Variants in TET1 observed in about 807,000 individuals in gnomAD.
TET1 encodes the protein methylcytosine dioxygenase TET1.
Under a neutral mutation model 148.7 loss-of-function variants are expected in TET1, and 13 were observed. The ratio of observed to expected loss-of-function variants is 0.09; its 90% confidence interval spans 0.06 to 0.14. The LOEUF is 0.14. Among genes scored for constraint, TET1 ranks in the 10% least tolerant of loss-of-function variants. TET1 has a pLI of 1.00. For synonymous variants in TET1, 907 were observed against 937.2 expected (o/e 0.97, Z 0.59); for missense variants, 2,182 against 2,553.8 (o/e 0.85, Z 3.14).
At chr10:68,580,518 G>A (rs760007592) in intron 2 of TET1, among the ~76,000 whole-genome samples, 22 of 149,914 alleles carry the variant, frequency 1.5e-4, no homozygotes, top group Non-Finnish European at 3.0e-4. Context: ...GGTGGCTCAT[G>A]CCTGTAATCC....
At chr10:68,605,713 C>T (rs1424009044) in intron 3 of TET1, among the ~76,000 whole-genome samples, 1 of 152,150 alleles carries the variant, frequency 6.6e-6, no homozygotes, top group Non-Finnish European at 1.5e-5. Context: ...CGAGGTTTTG[C>T]CATGCTGGCC....
At chr10:68,605,057 A>G (rs1253539101) in intron 3 of TET1, among the ~76,000 whole-genome samples, 1 of 152,268 alleles carries the variant, frequency 6.6e-6, no homozygotes, top group Non-Finnish European at 1.5e-5. Flanking sequence ...AGTGGATATT[A>G]AACTAGGAGA....
chr10:68,645,563 A>G lies in TET1; in HGVS notation c.2834A>G (p.Asn945Ser). Reference protein sequence around the residue: ...YTVRKDLQDPNLQGEPPKLNH... With the variant: ...YTVRKDLQDPSLQGEPPKLNH... ...GTAAGAAAAGACCTCCAAGACCCAA[A>G]CTTACAGGGAGAGCCACCAAAACTT... Residue 945 changes from asparagine (N) to serine (S), a missense_variant, in exon 4 of 12, where the codon AAC becomes AGC. Transcript: ENST00000373644. The G allele has an allele frequency of 1.2e-6, 2 of 1,614,136 alleles. No individual in the cohort carries two copies. The highest frequency in any genetic ancestry group is 1.7e-6 in the Non-Finnish European group (2 of 1,180,022).
chr10:68,593,592 C>A (rs1423640974), intron 2 of TET1, among the ~76,000 whole-genome samples: 1 of 151,922 alleles, frequency 6.6e-6, no homozygotes, highest in Non-Finnish European at 1.5e-5. Context: ...CATGCGCCAC[C>A]ATACCTGGCT....
At chr10:68,675,869 T>C (rs1490723769) in intron 8 of TET1, among the ~76,000 whole-genome samples, 1 of 152,140 alleles carries the variant, frequency 6.6e-6, no homozygotes, top group Non-Finnish European at 1.5e-5. Context: ...GTTGTTGTTG[T>C]CTTGAGATGG....
At chr10:68,635,828 C>T (rs1283077800) in intron 3 of TET1, among the ~76,000 whole-genome samples, 1 of 152,066 alleles carries the variant, frequency 6.6e-6, no homozygotes, top group South Asian at 2.1e-4. Context: ...TCAGTCTCTA[C>T]CAAAAACAAA....
At chr10:68,683,522 C>T (rs959693481) in intron 10 of TET1, among the ~76,000 whole-genome samples, 18 of 152,132 alleles carry the variant, frequency 1.2e-4, no homozygotes, top group African/African-American at 4.3e-4. Context: ...TCGTGATCCA[C>T]CCACCTTGGC....
At chr10:68,585,636 C>G (rs1420838707) in intron 2 of TET1, among the ~76,000 whole-genome samples, 1 of 152,054 alleles carries the variant, frequency 6.6e-6, no homozygotes, top group Non-Finnish European at 1.5e-5. Flanking sequence ...TTACCCATAG[C>G]TTGTATTGGA....
intron 2 of TET1, among the ~76,000 whole-genome samples, chr10:68,590,413 T>C (rs921309017): frequency 6.6e-6 from 1 of 151,986 alleles, no homozygotes; most frequent in Non-Finnish European, 1.5e-5. Flanking sequence ...ATTACAGGCA[T>C]GAGCCACCAC....
In TET1 at chr10:68,574,139, A is replaced by G. The variant is rs2053702585; in HGVS notation, c.1801A>G (p.Thr601Ala). ...CGVCEPCQQKTNCGECTYCKN... is the reference protein window; with the variant it reads ...CGVCEPCQQKANCGECTYCKN... ...GGTCTGTGAACCCTGCCAGCAGAAGACCAACTGTGGTGAATGCACTTACTG... is the reference window on the plus strand; with the variant it reads ...GGTCTGTGAACCCTGCCAGCAGAAGGCCAACTGTGGTGAATGCACTTACTG... The change falls in exon 2 of 12, where the codon ACC (threonine) becomes GCC (alanine). Residue 601 changes from threonine (T) to alanine (A), a missense_variant. Physicochemically the swap from Thr to Ala is moderately conservative, Grantham distance 58 (BLOSUM62 0). This residue lies in a region of TET1 where 226 missense variants were observed against 307.4 expected (regional missense o/e 0.74). Transcript: ENST00000373644. The G allele has an allele frequency of 6.2e-7, 1 of 1,613,892 alleles. No homozygotes were observed. The highest frequency in any genetic ancestry group is 8.5e-7 in the Non-Finnish European group (1 of 1,180,048).
At chr10:68,672,349 G>A (rs936501635) in intron 7 of TET1, among the ~76,000 whole-genome samples, 3 of 151,416 alleles carry the variant, frequency 2.0e-5, no homozygotes, top group East Asian at 1.9e-4. Flanking sequence ...TTAGCTGGGC[G>A]TGGTGGCGCA....
At chr10:68,636,671 G>A (rs2054654895) in intron 3 of TET1, among the ~76,000 whole-genome samples, 2 of 152,166 alleles carry the variant, frequency 1.3e-5, no homozygotes, top group Non-Finnish European at 2.9e-5. Context: ...GAAAAGGAAA[G>A]AAGCCTGGCT....
At position 68,573,671 on chromosome 10, in the gene TET1, G is replaced by C; in HGVS notation, c.1333G>C (p.Ala445Pro). 2 of 1,614,066 alleles carry C rather than the reference G, an allele frequency of 1.2e-6. No homozygotes were observed. Among genetic ancestry groups the C allele is most frequent in the Non-Finnish European group, 1.7e-6 (2 of 1,180,028 alleles). The change falls in exon 2 of 12, where the codon GCT becomes CCT. Residue 445 changes from alanine (A) to proline (P), a missense_variant. Transcript: ENST00000373644. ...TCCAAATCCAATTGCTACCTTTAAT[G>C]CTCCTTCCAAATGGCCTGAGCCCCA... ...VPPNPIATFN[A>P]PSKWPEPQST...
chr10:68,676,999 G>A (rs2055370956), intron 8 of TET1, among the ~76,000 whole-genome samples: 1 of 152,250 alleles, frequency 6.6e-6, no homozygotes, highest in Admixed American at 6.5e-5. Context: ...ACGCCAGCAA[G>A]AGGTATAGGA....
rs550990682 is a variant in TET1, at chr10:68,643,086, C to G, written c.1969-1612C>G. Among the ~76,000 whole-genome samples, 6 of 151,798 alleles carry G rather than the reference C, an allele frequency of 4.0e-5. No individual in the cohort carries two copies. In the South Asian group the frequency reaches 1.3e-3, roughly 32 times the overall value. On this transcript the variant is annotated intron_variant, in intron 3 of 11. Coordinates refer to ENST00000373644, the MANE Select transcript of TET1 (RefSeq NM_030625.3). ...CCAGCCTGGGCAACATGGTGATATC[C>G]TGTCTCTACAACAAATACAAAAAAA... is the stretch of plus-strand genomic sequence containing the variant.
In TET1 at chr10:68,645,784, A is replaced by G. The variant is rs72799515; in HGVS notation, c.3055A>G (p.Lys1019Glu). Residue 1019 changes from lysine to glutamate, a missense_variant, in exon 4 of 12, where the codon AAA (lysine) becomes GAA (glutamate). Lys to Glu is a moderately conservative substitution (Grantham distance 56). Transcript: ENST00000373644. ...AAATTCATCCAAGATTGACACCAAT[A>G]AAAGTATTGCTCAAGGGATAATTAC... ...KSNSSKIDTN[K>E]SIAQGIITLD... 42,169 of 1,614,090 alleles carry G rather than the reference A, an allele frequency of 0.026. 791 individuals are homozygous for G. Among genetic ancestry groups the G allele is most frequent in the Non-Finnish European group, 0.031 (36,065 of 1,179,948 alleles).
chr10:68,595,012 A>T (rs1301788627), intron 2 of TET1, among the ~76,000 whole-genome samples: 2 of 151,656 alleles, frequency 1.3e-5, no homozygotes, highest in African/African-American at 2.4e-5. Flanking sequence ...AAAGAAAAAA[A>T]AAATTAGCTT....
Position 68,666,534 on chromosome 10 carries a change from T to G in TET1, c.4462-511T>G, listed in dbSNP as rs77627372. On this transcript the variant is annotated intron_variant, in intron 6 of 11. Coordinates refer to ENST00000373644, the MANE Select transcript of TET1 (RefSeq NM_030625.3). ...CGTCTACATTTGTTCCCTTGTGACA[T>G]TTGTGGAATTTCAGTGCAGTTTTCT... Among the ~76,000 whole-genome samples, 413 of 152,328 alleles carry G rather than the reference T, an allele frequency of 2.7e-3. 7 individuals carry two copies. Among genetic ancestry groups the G allele is most frequent in the African/African-American group, 9.3e-3 (386 of 41,566 alleles).
chr10:68,569,162 G>GTTTTTTTTT (rs1362900985), intron 1 of TET1, among the ~76,000 whole-genome samples: 1 of 122,330 alleles, frequency 8.2e-6, no homozygotes, highest in Non-Finnish European at 1.7e-5. Flanking sequence ...AGGCAGGAGA[G>GTTTTTTTTT]TTTCTTTTTT....
Sources: allele counts gnomAD v4.1 joint callset (sites outside exome capture counted in the v4.1 genomes callset), GRCh38; gene constraint gnomAD v4.1.1; regional missense constraint gnomAD v4.1.1; transcripts MANE v1.5; gene names NCBI Gene and HGNC (gene_info 2026-07-23, HGNC 2026-07-21).